The following JAKMIP3 variants were observed in gnomAD, a reference collection of about 807,000 sequenced individuals.
The protein encoded by JAKMIP3 is janus kinase and microtubule-interacting protein 3.
JAKMIP3 carries 58 observed loss-of-function variants against 118.5 expected under a neutral mutation model. The ratio of observed to expected loss-of-function variants is 0.49; its 90% CI spans 0.40 to 0.61. The LOEUF (loss-of-function observed/expected upper bound fraction) is 0.61. Ranked by LOEUF, JAKMIP3 falls within the 20% of genes least tolerant of loss-of-function variation. The pLI is 0.00. For synonymous variants in JAKMIP3, 486 were observed against 451.2 expected (o/e 1.08, Z -0.98); for missense variants, 950 against 1,109.0 (o/e 0.86, Z 2.04).
chr10:132,124,486 C>A (rs1248862890), intron 3 of JAKMIP3, among the ~76,000 whole-genome samples: 1 of 149,620 alleles, frequency 6.7e-6, no homozygotes, highest in Non-Finnish European at 1.5e-5. Context: ...TCCATTGCCA[C>A]ACACATCCAT....
chr10:132,053,306 A>G (rs1336659991), intron 1 of JAKMIP3, among the ~76,000 whole-genome samples: 2 of 152,156 alleles, frequency 1.3e-5, no homozygotes, highest in Non-Finnish European at 2.9e-5. Flanking sequence ...CTGCAGTCCT[A>G]TGGAATTGGG....
intron 3 of JAKMIP3, among the ~76,000 whole-genome samples, 168 bp from the exon 4 acceptor site, chr10:132,133,144 G>C (rs147023144): frequency 6.6e-6 from 1 of 152,174 alleles, no homozygotes; most frequent in African/African-American, 2.4e-5. Flanking sequence ...CTGGGAGCCC[G>C]GGTGTCGTGC....
chr10:132,141,100 C>T lies in JAKMIP3; in HGVS notation c.1473+521C>T, dbSNP rs368614073. ...GCAGGCAGCCATTTCAGCACCAGGTCGGGGCTTGGTGTTGTGGGACCCAGA... is the reference window on the plus strand; with the variant it reads ...GCAGGCAGCCATTTCAGCACCAGGTTGGGGCTTGGTGTTGTGGGACCCAGA... On this transcript the variant is annotated intron_variant, in intron 10 of 23. Transcript: ENST00000684848. 9.5e-4 allele frequency among the ~76,000 whole-genome samples: 144 copies of T among 152,326 alleles called. 2 individuals are homozygous for T. Among genetic ancestry groups the T allele is most frequent in the African/African-American group, 3.2e-3 (133 of 41,582 alleles).
chr10:132,111,912 G>A (rs2046944547), intron 2 of JAKMIP3, among the ~76,000 whole-genome samples: 1 of 152,156 alleles, frequency 6.6e-6, no homozygotes, highest in Non-Finnish European at 1.5e-5. Context: ...TGGCAGCCGT[G>A]GAGGGGCATG....
chr10:132,137,362 C>T, intron 8 of JAKMIP3, 73 bp downstream of exon 8: 1 of 1,576,602 alleles, frequency 6.3e-7, no homozygotes, highest in Non-Finnish European at 8.7e-7. Context: ...CATTCTGTGC[C>T]CAGGGCTCCT....
chr10:132,151,484 G>A (rs2056194597), intron 16 of JAKMIP3, among the ~76,000 whole-genome samples: 1 of 152,172 alleles, frequency 6.6e-6, no homozygotes, highest in Non-Finnish European at 1.5e-5. Context: ...CTCAGAGCTG[G>A]GGGCTCCACT....
chr10:132,162,103 T>C (rs983836346), intron 19 of JAKMIP3, among the ~76,000 whole-genome samples: 1 of 121,418 alleles, frequency 8.2e-6, no homozygotes, highest in Non-Finnish European at 2.0e-5. Context: ...AGCACCGAGG[T>C]TTTTTTCTGC....
intron 3 of JAKMIP3, among the ~76,000 whole-genome samples, chr10:132,130,074 GC>G (rs2050284452): frequency 6.6e-6 from 1 of 152,042 alleles, no homozygotes. Flanking sequence ...ACATCAAGGG[GC>G]TTGGGCTCCT....
At chr10:132,129,185 A>C (rs1416967549) in intron 3 of JAKMIP3, among the ~76,000 whole-genome samples, 1 of 152,154 alleles carries the variant, frequency 6.6e-6, no homozygotes, top group East Asian at 1.9e-4. Context: ...TTGTTAGGGA[A>C]GGTCTGTTAG....
chr10:132,113,141 A>G (rs1033887037), intron 2 of JAKMIP3, among the ~76,000 whole-genome samples: 1 of 152,070 alleles, frequency 6.6e-6, no homozygotes, highest in Non-Finnish European at 1.5e-5. Context: ...TTCAATTTGC[A>G]CCTCCCAGGA....
chr10:132,038,192 A>T (rs1386416004), intron 1 of JAKMIP3, among the ~76,000 whole-genome samples: 1 of 152,208 alleles, frequency 6.6e-6, no homozygotes, highest in African/African-American at 2.4e-5. Context: ...ATTTCCAATG[A>T]TAGCCACTGA....
At chr10:132,146,223 C>T (rs1341701604) in intron 13 of JAKMIP3, among the ~76,000 whole-genome samples, 2 of 148,880 alleles carry the variant, frequency 1.3e-5, no homozygotes, top group East Asian at 4.1e-4. Context: ...GATGTGTGGC[C>T]AGGCTGCTCT....
chr10:132,179,551 C>T lies in JAKMIP3; in HGVS notation c.*1104-2806C>T, dbSNP rs186645784. Among the ~76,000 whole-genome samples, 3 of 152,274 alleles carry T rather than the reference C, an allele frequency of 2.0e-5. No individual in the cohort carries two copies. The highest frequency in any genetic ancestry group is 1.9e-4 in the East Asian group (1 of 5,176). ...GAATGGCCAAGTACGTAAAAGAATG[C>T]GCTCCCTGAAGGCAATTCGCAGCCC... On this transcript the variant is annotated intron_variant, in intron 23 of 23. Coordinates refer to ENST00000684848, the MANE Select transcript of JAKMIP3 (RefSeq NM_001323087.2). This position sits in a 1 kb window ranked among gnomAD's most constrained non-coding sequence, Gnocchi z 4.3.
At chr10:132,156,102 C>T (rs1348870178) in intron 19 of JAKMIP3, among the ~76,000 whole-genome samples, 1 of 152,180 alleles carries the variant, frequency 6.6e-6, no homozygotes, top group Non-Finnish European at 1.5e-5. Context: ...AAACTGCAGC[C>T]AGCTGACACT....
chr10:132,078,271 C>T (rs1209251030), intron 1 of JAKMIP3, among the ~76,000 whole-genome samples: 2 of 152,076 alleles, frequency 1.3e-5, no homozygotes, highest in African/African-American at 2.4e-5. Flanking sequence ...AAGATTATTT[C>T]GACTGGTTTC....
chr10:132,072,239 A>T (rs1175926469), intron 1 of JAKMIP3, among the ~76,000 whole-genome samples: 1 of 152,006 alleles, frequency 6.6e-6, no homozygotes. Flanking sequence ...CATAAAGTAG[A>T]TTCTCGCCTT....
chr10:132,087,993 T>C (rs1237951447), intron 1 of JAKMIP3, among the ~76,000 whole-genome samples: 1 of 152,148 alleles, frequency 6.6e-6, no homozygotes, highest in Non-Finnish European at 1.5e-5. Flanking sequence ...TTGCTGAGAA[T>C]GATGGTTTCC....
chr10:132,150,062 G>A, intron 16 of JAKMIP3, 21 bp downstream of exon 16: 1 of 1,583,992 alleles, frequency 6.3e-7, no homozygotes, highest in Non-Finnish European at 8.6e-7. Flanking sequence ...CTCCTGGCTT[G>A]TGCATGCCTC....
chr10:132,162,295 T>A (rs1435416192), intron 19 of JAKMIP3, among the ~76,000 whole-genome samples: 1 of 152,234 alleles, frequency 6.6e-6, no homozygotes, highest in Non-Finnish European at 1.5e-5. Context: ...CAGCCCACAG[T>A]TCGTGTCACC....
Sources: allele counts gnomAD v4.1 joint callset (sites outside exome capture counted in the v4.1 genomes callset), GRCh38; gene constraint gnomAD v4.1.1; non-coding constraint Gnocchi (gnomAD v3.1); transcripts MANE v1.5; gene names NCBI Gene and HGNC (gene_info 2026-07-23, HGNC 2026-07-21).